Variants in IGF2 observed in about 807,000 individuals in gnomAD.
IGF2 encodes insulin-like growth factor 2.
In IGF2, 2 loss-of-function variants were observed where a neutral mutation model predicts 12.0. That is an observed-to-expected ratio of 0.17 (90% CI 0.07 to 0.52). The LOEUF is 0.52. Among genes scored for constraint, IGF2 ranks in the 20% least tolerant of loss-of-function variants. The pLI, the probability that IGF2 is intolerant of heterozygous loss-of-function variation, is 0.95. For missense variants in IGF2, 211 were observed against 268.0 expected (o/e 0.79, Z 1.48); for synonymous variants, 105 against 110.1 (o/e 0.95, Z 0.29).
intron 1 of IGF2, chr11:2,137,250 C>G: frequency 2.0e-6 from 2 of 995,048 alleles, no homozygotes; most frequent in Non-Finnish European, 2.4e-6. Context: ...GAGGAGGAAG[C>G]TGGAAGTCTC....
Position 2,138,385 on chromosome 11 carries a change from T to TC in IGF2, c.-164_-163insG. ...GGGGCAGAGCGGGGGGATGGCTTTT[T>TC]TTTGGGGGGGGGGGGAGAATTCGTC... On this transcript the variant is annotated 5_prime_UTR_variant, in exon 1 of 4. Transcript: ENST00000416167. 2.1e-6 allele frequency: 1 copy of TC among 473,760 alleles called. No individual in the cohort carries two copies. The highest frequency in any genetic ancestry group is 2.6e-6 in the Non-Finnish European group (1 of 377,764). The allele number at this position is 473,760 out of a possible 1,614,324, so 29.3% of individuals were successfully genotyped here.
In IGF2 at chr11:2,135,511, T is replaced by C. The variant is rs1172508915; in HGVS notation, c.13A>G (p.Met5Val). Residue 5 changes from methionine (M) to valine (V), a missense_variant, in exon 2 of 4, where the codon ATG becomes GTG. Coordinates refer to ENST00000416167, the MANE Select transcript of IGF2 (RefSeq NM_000612.6). Reference sequence around the variant, plus strand: ...AGAAGCACCAGCATCGACTTCCCCATTGGGATTCCCATTGGTGTCTGGGGG... The same window carrying C: ...AGAAGCACCAGCATCGACTTCCCCACTGGGATTCCCATTGGTGTCTGGGGG... Reference protein sequence around the residue: MGIPMGKSMLVLLTF... With the variant: MGIPVGKSMLVLLTF... 9 of 1,613,274 alleles carry C rather than the reference T, an allele frequency of 5.6e-6. No homozygotes were observed. The highest frequency in any genetic ancestry group is 1.1e-5 in the South Asian group (1 of 91,018).
chr11:2,136,406 C>T (rs922073706), intron 1 of IGF2, among the ~76,000 whole-genome samples: 1 of 152,254 alleles, frequency 6.6e-6, no homozygotes, highest in South Asian at 2.1e-4. Context: ...CTGGGAAGTC[C>T]GACACCAGGT....
At position 2,130,516 on chromosome 11, in the gene IGF2, C is replaced by G. The variant is rs924218360; in HGVS notation, c.*2471G>C. 1 of 223,860 alleles carries G rather than the reference C, an allele frequency of 4.5e-6. No individual in the cohort carries two copies. Among genetic ancestry groups the G allele is most frequent in the Admixed American group, 5.7e-5 (1 of 17,404 alleles). The allele number at this position is 223,860 out of a possible 1,614,324, so 13.9% of individuals were successfully genotyped here. On this transcript the variant is annotated 3_prime_UTR_variant, in exon 4 of 4. Transcript: ENST00000416167. ...CGTGCGTTCTTGCTTTTGTCACTGC[C>G]CCCCTGTTACATGGGGGGGGGGTTT...
chr11:2,141,120 T>C (rs1859560709), upstream of IGF2: 1 of 205,466 alleles, frequency 4.9e-6, no homozygotes, highest in African/African-American at 2.4e-5. Context: ...CCGACCCAAG[T>C]GTGTTTGGGC....
intron 1 of IGF2, 73 bp downstream of exon 1, chr11:2,138,156 A>C: frequency 1.1e-6 from 1 of 913,282 alleles, no homozygotes; most frequent in Non-Finnish European, 1.3e-6. Context: ...CGGGCGGAGG[A>C]AGGGCCGGGC....
Position 2,130,548 on chromosome 11 carries a change from G to A in IGF2, c.*2439C>T, listed in dbSNP as rs1317107940. 5.2e-6 allele frequency: 1 copy of A among 191,992 alleles called. No individual in the cohort carries two copies. The highest frequency in any genetic ancestry group is 1.0e-5 in the Non-Finnish European group (1 of 98,952). The allele number at this position is 191,992 out of a possible 1,614,324, so 11.9% of individuals were successfully genotyped here. ...TTACATGGGGGGGGGGTTTAATTTG[G>A]TTTCTGAGCGCATAAAGCTAAGGAG... is the stretch of plus-strand genomic sequence containing the variant. On this transcript the variant is annotated 3_prime_UTR_variant, in exon 4 of 4. Coordinates refer to ENST00000416167, the MANE Select transcript of IGF2 (RefSeq NM_000612.6).
chr11:2,138,836 G>T lies in IGF2; in HGVS notation c.-614C>A. 1.1e-6 allele frequency: 1 copy of T among 942,734 alleles called. No homozygotes were observed. Among genetic ancestry groups the T allele is most frequent in the Non-Finnish European group, 1.3e-6 (1 of 793,092 alleles). 58.4% of individuals were successfully genotyped at this position (942,734 alleles called of 1,614,324 possible). A position where few individuals can be genotyped will look rare whatever the true frequency, so the allele number is the denominator to read the frequency against. On this transcript the variant is annotated 5_prime_UTR_variant, in exon 1 of 4. Coordinates refer to ENST00000416167, the MANE Select transcript of IGF2 (RefSeq NM_000612.6). ...GGAGCACAGAGAAGCGGAGGGAAGG[G>T]CGCCACGTCGAGGGGCCGGGGGAGG...
chr11:2,135,217 G>A (rs974599191), intron 2 of IGF2, 150 bp downstream of exon 2: 1 of 673,390 alleles, frequency 1.5e-6, no homozygotes, highest in Non-Finnish European at 2.4e-6. Context: ...CACCGCACGT[G>A]CTCAGAAACG....
the IGF2 span, chr11:2,148,044 G>A: frequency 5.2e-6 from 2 of 386,222 alleles, no homozygotes; most frequent in Non-Finnish European, 9.1e-6. The surrounding 1 kb of genome is among the most constrained non-coding windows in gnomAD (Gnocchi z 4.3). Context: ...GGGCTTCCCG[G>A]TGCTGATGGA....
Position 2,138,710 on chromosome 11 carries a change from GAGGGAGT to G in IGF2, c.-495_-489del. 1 of 330,774 alleles carries G rather than the reference GAGGGAGT, an allele frequency of 3.0e-6. No homozygotes were observed. Among genetic ancestry groups the G allele is most frequent in the Non-Finnish European group, 4.1e-6 (1 of 243,200 alleles). The allele number at this position is 330,774 out of a possible 1,614,324, so 20.5% of individuals were successfully genotyped here. On this transcript the variant is annotated 5_prime_UTR_variant, in exon 1 of 4. Transcript: ENST00000416167. Reference sequence around the variant, plus strand: ...GGCGAGAGGGCGGGCGTGAGGGGGGGAGGGAGTCGGAGGCTAGGAGCTGGGGGGGACG... The same window carrying G: ...GGCGAGAGGGCGGGCGTGAGGGGGGGCGGAGGCTAGGAGCTGGGGGGGACG...
chr11:2,145,163 C>T (rs892828527), upstream of IGF2, among the ~76,000 whole-genome samples: 2 of 152,228 alleles, frequency 1.3e-5, no homozygotes, highest in Non-Finnish European at 2.9e-5. Context: ...CCCCCCTTCC[C>T]ACCAGCCTTC....
chr11:2,136,201 A>G (rs1421255288), intron 1 of IGF2, among the ~76,000 whole-genome samples: 2 of 152,200 alleles, frequency 1.3e-5, no homozygotes, highest in Non-Finnish European at 2.9e-5. Context: ...CCCATGCTCT[A>G]GAAACCTTGT....
chr11:2,142,979 G>T (rs35224423), upstream of IGF2, among the ~76,000 whole-genome samples: 3 of 152,116 alleles, frequency 2.0e-5, no homozygotes, highest in African/African-American at 7.2e-5. The surrounding 1 kb of genome is among the most constrained non-coding windows in gnomAD (Gnocchi z 5.7). Flanking sequence ...GACCTGATTC[G>T]TGGCCAGGCA....
chr11:2,149,370 G>A, the IGF2 span: 1 of 1,592,426 alleles, frequency 6.3e-7, no homozygotes, highest in Non-Finnish European at 8.6e-7. Context: ...GGCACTTTTA[G>A]AGTGTGCATG....
At chr11:2,148,759 CTCT>C in the IGF2 span, 1 of 253,168 alleles carries the variant, frequency 3.9e-6, no homozygotes, top group African/African-American at 2.2e-5. This position sits in a 1 kb window ranked among gnomAD's most constrained non-coding sequence, Gnocchi z 4.3. Context: ...CACAGAAAGA[CTCT>C]TCCTTTCACA....
Position 2,133,183 on chromosome 11 carries a change from T to C in IGF2, c.347A>G (p.Tyr116Cys). 1.3e-6 allele frequency: 2 copies of C among 1,578,636 alleles called. No homozygotes were observed. The highest frequency in any genetic ancestry group is 1.7e-6 in the Non-Finnish European group (2 of 1,160,892). ...PRYPVGKFFQ[Y>C]DTWKQSTQRL... Reference sequence around the variant, plus strand: ...CTGGGTGGACTGCTTCCAGGTGTCATATTGGAAGAACTTGCCCACGGGGTA... The same window carrying C: ...CTGGGTGGACTGCTTCCAGGTGTCACATTGGAAGAACTTGCCCACGGGGTA... Residue 116 changes from tyrosine (Y) to cysteine (C), a missense_variant, in exon 4 of 4, where the codon TAT becomes TGT. This residue lies in a region of IGF2 where 141 missense variants were observed against 153.1 expected (regional missense o/e 0.92). Coordinates refer to ENST00000416167, the MANE Select transcript of IGF2 (RefSeq NM_000612.6). This position sits in a 1 kb window ranked among gnomAD's most constrained non-coding sequence, Gnocchi z 8.9.
chr11:2,135,949 C>G (rs900513122), intron 1 of IGF2, among the ~76,000 whole-genome samples: 3 of 152,188 alleles, frequency 2.0e-5, no homozygotes, highest in Non-Finnish European at 4.4e-5. Context: ...CTCAGGCCTC[C>G]AGCGCCAGCC....
rs920581770 is a variant in IGF2, at chr11:2,138,470, C to CG, written c.-249dup. 29 of 906,334 alleles carry CG rather than the reference C, an allele frequency of 3.2e-5. No homozygotes were observed. Among genetic ancestry groups the CG allele is most frequent in the East Asian group, 1.3e-4 (1 of 7,518 alleles). 56.1% of individuals were successfully genotyped at this position (906,334 alleles called of 1,614,324 possible). On this transcript the variant is annotated 5_prime_UTR_variant, in exon 1 of 4. Transcript: ENST00000416167. ...GGGGCGGGCCAGATGTTGTACTTTT[C>CG]GGGGGGGAAAAGGTATCGGGAAATG...
Sources: gnomAD v4.1 joint callset for allele counts (sites outside exome capture counted in the v4.1 genomes callset) on GRCh38, gnomAD v4.1.1 for gene constraint, gnomAD v4.1.1 regional missense constraint, Gnocchi (gnomAD v3.1) non-coding constraint, MANE v1.5 for transcripts, NCBI Gene and HGNC (gene_info 2026-07-23, HGNC 2026-07-21) for gene names.